LRRC4B: variants seen among roughly 807,000 people sequenced by gnomAD.
LRRC4B encodes leucine-rich repeat-containing protein 4B.
Under a neutral mutation model 7.3 loss-of-function variants are expected in LRRC4B, and 1 was observed. The ratio of observed to expected loss-of-function variants is 0.14; its 90% confidence interval spans 0.05 to 0.65. The LOEUF (loss-of-function observed/expected upper bound fraction) is 0.65. Ranked by LOEUF, LRRC4B falls within the 30% of genes least tolerant of loss-of-function variation. The pLI is 0.84. For missense variants in LRRC4B, 730 were observed against 1,041.6 expected, an observed-to-expected ratio of 0.70 and a Z score of 4.12; for synonymous variants, 500 against 499.2, an observed-to-expected ratio of 1.00 and a Z score of -0.02.
Position 50,568,369 on chromosome 19 carries a change from C to T in LRRC4B, c.-461G>A, listed in dbSNP as rs1446358463. 6.8e-6 allele frequency among the ~76,000 whole-genome samples: 1 copy of T among 148,104 alleles called. No individual in the cohort carries two copies. Among genetic ancestry groups the T allele is most frequent in the African/African-American group, 2.5e-5 (1 of 40,348 alleles). On this transcript the variant is annotated 5_prime_UTR_variant, in exon 1 of 3. Coordinates refer to ENST00000652263, the MANE Select transcript of LRRC4B (RefSeq NM_001080457.2). Reference sequence around the variant, plus strand: ...CCCAGGCCCCGGCCCCGGCCCCGGCCCCCGCCTCGGACGGTGCGGCAGCGA... The same window carrying T: ...CCCAGGCCCCGGCCCCGGCCCCGGCTCCCGCCTCGGACGGTGCGGCAGCGA...
At chr19:50,524,965 G>A (rs1258523364) in intron 2 of LRRC4B, among the ~76,000 whole-genome samples, 1 of 152,228 alleles carries the variant, frequency 6.6e-6, no homozygotes, top group Non-Finnish European at 1.5e-5. Context: ...GTTTTAGAAA[G>A]GAGGAAACAG....
chr19:50,551,551 G>A (rs78583701), intron 1 of LRRC4B, among the ~76,000 whole-genome samples: 11,490 of 109,616 alleles, frequency 0.1, 828 homozygotes, highest in Middle Eastern at 0.22. Context: ...TGCCCCTCTC[G>A]GTCCTCCCCC....
chr19:50,560,498 G>A (rs938357203), intron 1 of LRRC4B, among the ~76,000 whole-genome samples: 15 of 152,248 alleles, frequency 9.9e-5, no homozygotes, highest in Non-Finnish European at 2.1e-4. Flanking sequence ...TTAGGGAAAT[G>A]CCTGGGGCAT....
intron 2 of LRRC4B, among the ~76,000 whole-genome samples, chr19:50,532,419 G>C (rs1263326047): frequency 6.6e-6 from 1 of 152,048 alleles, no homozygotes; most frequent in African/African-American, 2.4e-5. Flanking sequence ...AGTGTCAGAG[G>C]CCCTTCAGAA....
chr19:50,548,939 T>A lies in LRRC4B; in HGVS notation c.-35-66A>T. 1.2e-6 allele frequency: 1 copy of A among 868,446 alleles called. No homozygotes were observed. The highest frequency in any genetic ancestry group is 1.7e-6 in the Non-Finnish European group (1 of 585,178). The allele number at this position is 868,446 out of a possible 1,614,324, so 53.8% of individuals were successfully genotyped here. ...ACAGGAGCCCATGTGGCCTGGGTGC[T>A]TGCCAACACCCAGGCAGCCCCATCG... On this transcript the variant is annotated intron_variant, in intron 1 of 2. Coordinates refer to ENST00000652263, the MANE Select transcript of LRRC4B (RefSeq NM_001080457.2). The surrounding 1 kb of genome is among the most constrained non-coding windows in gnomAD (Gnocchi z 6.8).
intron 1 of LRRC4B, among the ~76,000 whole-genome samples, chr19:50,560,523 C>G (rs1982428376): frequency 6.6e-6 from 1 of 152,228 alleles, no homozygotes; most frequent in Admixed American, 6.5e-5. Flanking sequence ...GGAAAATGCT[C>G]AGTGAACTTA....
rs1158613374 is a variant in LRRC4B, at chr19:50,519,174, C to T, written c.539G>A (p.Arg180His). The change falls in exon 3 of 3, where the codon CGC becomes CAC. Residue 180 changes from arginine (R) to histidine (H), a missense_variant. Physicochemically the swap from Arg to His is conservative, Grantham distance 29. This residue lies in a region of LRRC4B where 226 missense variants were observed against 448.0 expected (regional missense o/e 0.50). Transcript: ENST00000652263. The surrounding 1 kb of genome is among the most constrained non-coding windows in gnomAD (Gnocchi z 8.1). ...GTCCAGGCGCCGCAGCGAGGGCACG[C>T]GGTTGAAGGCGTAGGAGGGGATGCT... ...IESIPSYAFN[R>H]VPSLRRLDLG... The T allele has an allele frequency of 1.2e-6, 2 of 1,613,694 alleles. No individual in the cohort carries two copies. Among genetic ancestry groups the T allele is most frequent in the Non-Finnish European group, 1.7e-6 (2 of 1,179,980 alleles).
intron 2 of LRRC4B, among the ~76,000 whole-genome samples, chr19:50,525,499 G>A (rs1045467254): frequency 1.7e-4 from 26 of 150,366 alleles, no homozygotes; most frequent in African/African-American, 5.9e-4. Flanking sequence ...TCCACCTCCC[G>A]GGTTCAAGTG....
At chr19:50,567,503 G>C (rs935790658) in intron 1 of LRRC4B, among the ~76,000 whole-genome samples, 1 of 151,432 alleles carries the variant, frequency 6.6e-6, no homozygotes, top group Non-Finnish European at 1.5e-5. Flanking sequence ...CCCATCACTG[G>C]CGTGCCCCCC....
intron 2 of LRRC4B, among the ~76,000 whole-genome samples, chr19:50,523,822 G>A (rs1383438846): frequency 6.6e-6 from 1 of 151,644 alleles, no homozygotes; most frequent in African/African-American, 2.4e-5. Context: ...AGTCAGGCAT[G>A]GTGGCAGGTG....
In LRRC4B at chr19:50,563,600, C is replaced by T. The variant is rs1363537831; in HGVS notation, c.-36+4344G>A. 6.6e-6 allele frequency among the ~76,000 whole-genome samples: 1 copy of T among 152,224 alleles called. No individual in the cohort carries two copies. Among genetic ancestry groups the T allele is most frequent in the African/African-American group, 2.4e-5 (1 of 41,456 alleles). ...TAAGGCAGCCCCTGCTCTCCACCTG[C>T]TCTGGGGCCAAATGTGCAGCCTGGT... On this transcript the variant is annotated intron_variant, in intron 1 of 2. Transcript: ENST00000652263. The surrounding 1 kb of genome is among the most constrained non-coding windows in gnomAD (Gnocchi z 4.9).
intron 2 of LRRC4B, among the ~76,000 whole-genome samples, chr19:50,525,529 C>T (rs1014151075): frequency 4.0e-5 from 6 of 151,714 alleles, no homozygotes; most frequent in African/African-American, 1.2e-4. Context: ...CCTCAGCCTC[C>T]CAAGTAGCTA....
intron 2 of LRRC4B, among the ~76,000 whole-genome samples, chr19:50,521,337 G>A (rs1286330287): frequency 1.3e-5 from 2 of 152,106 alleles, no homozygotes; most frequent in Non-Finnish European, 2.9e-5. Flanking sequence ...CTACATTGGC[G>A]TGGTGGTTAC....
At chr19:50,522,600 A>C (rs1980633096) in intron 2 of LRRC4B, among the ~76,000 whole-genome samples, 2 of 151,932 alleles carry the variant, frequency 1.3e-5, no homozygotes, top group East Asian at 1.9e-4. Context: ...CCTCAGCCTC[A>C]CAAGTAGCTG....
At chr19:50,535,826 G>C (rs1441515385) in intron 2 of LRRC4B, among the ~76,000 whole-genome samples, 1 of 152,228 alleles carries the variant, frequency 6.6e-6, no homozygotes. Context: ...CCTGGCCTGG[G>C]TGGAAAGTCT....
chr19:50,568,194 C>A lies in LRRC4B; in HGVS notation c.-286G>T. 1 of 153,612 alleles carries A rather than the reference C, an allele frequency of 6.5e-6. No individual in the cohort carries two copies. Among genetic ancestry groups the A allele is most frequent in the South Asian group, 1.8e-4 (1 of 5,572 alleles). The allele number at this position is 153,612 out of a possible 1,614,324, so 9.5% of individuals were successfully genotyped here. ...TCCTCGCCTCGCGCCCGCCTGCCGTCCGGCCCCGCGCCCTCGCCCGCCGCC... is the reference window on the plus strand; with the variant it reads ...TCCTCGCCTCGCGCCCGCCTGCCGTACGGCCCCGCGCCCTCGCCCGCCGCC... On this transcript the variant is annotated 5_prime_UTR_variant, in exon 1 of 3. Transcript: ENST00000652263.
At chr19:50,547,662 CGGA>C (rs1568730630) in intron 2 of LRRC4B, among the ~76,000 whole-genome samples, 1 of 147,526 alleles carries the variant, frequency 6.8e-6, no homozygotes, top group Non-Finnish European at 1.5e-5. Context: ...ATCTAGTGGC[CGGA>C]AATGCTGGTA....
At position 50,519,566 on chromosome 19, in the gene LRRC4B, G is replaced by T; in HGVS notation, c.298-151C>A. 1 of 1,411,794 alleles carries T rather than the reference G, an allele frequency of 7.1e-7. No individual in the cohort carries two copies. The allele number at this position is 1,411,794 out of a possible 1,614,324, so 87.5% of individuals were successfully genotyped here. On this transcript the variant is annotated intron_variant, in intron 2 of 2. Transcript: ENST00000652263. The surrounding 1 kb of genome is among the most constrained non-coding windows in gnomAD (Gnocchi z 8.1). The stretch of plus-strand genomic sequence containing the variant: ...CCTATATTGCAACATGGTTTGATGA[G>T]TTTCTTATAAAGTTAAAACTGGAGT...
At chr19:50,542,470 T>C (rs940361134) in intron 2 of LRRC4B, among the ~76,000 whole-genome samples, 1 of 114,066 alleles carries the variant, frequency 8.8e-6, no homozygotes, top group African/African-American at 4.5e-5. Context: ...GAATTGCTGA[T>C]TTTTTTTTTT....
Sources: allele counts gnomAD v4.1 joint callset (sites outside exome capture counted in the v4.1 genomes callset), GRCh38; gene constraint gnomAD v4.1.1; regional missense constraint gnomAD v4.1.1; non-coding constraint Gnocchi (gnomAD v3.1); transcripts MANE v1.5; gene names NCBI Gene and HGNC (gene_info 2026-07-23, HGNC 2026-07-21).